The following CPS1 variants were observed in gnomAD, a reference collection of about 807,000 sequenced individuals.
The protein encoded by CPS1 is carbamoyl-phosphate synthase 1.
Under a neutral mutation model 174.6 loss-of-function variants are expected in CPS1, and 109 were observed. That is an observed-to-expected ratio of 0.62 (90% CI 0.53 to 0.73). The LOEUF (loss-of-function observed/expected upper bound fraction) is 0.73. CPS1 is among the 30% of genes least tolerant of loss of function. The probability of loss-of-function intolerance (pLI) is 0.00; values close to 1 mark genes in which losing one functional copy is unlikely to be tolerated. For synonymous variants in CPS1, 637 were observed against 632.0 expected, an observed-to-expected ratio of 1.01 and a Z score of -0.12; for missense variants, 1,689 against 1,821.9, an observed-to-expected ratio of 0.93 and a Z score of 1.33.
intron 33 of CPS1, among the ~76,000 whole-genome samples, chr2:210,666,058 G>T (rs1293699337): frequency 2.0e-5 from 3 of 150,896 alleles, no homozygotes; most frequent in Non-Finnish European, 3.0e-5. Flanking sequence ...GTTTAGATTT[G>T]CATTTCTCTG....
intron 1 of CPS1, among the ~76,000 whole-genome samples, chr2:210,530,759 C>A (rs1222822744): frequency 2.6e-5 from 4 of 151,936 alleles, no homozygotes; most frequent in Non-Finnish European, 5.9e-5. Flanking sequence ...CACTCTATTT[C>A]TGTTATGCAT....
chr2:210,656,927 G>T (rs943644374), intron 30 of CPS1, among the ~76,000 whole-genome samples: 1 of 152,010 alleles, frequency 6.6e-6, no homozygotes, highest in Non-Finnish European at 1.5e-5. Context: ...CCATCCCCCA[G>T]TTTCTGATTT....
intron 33 of CPS1, 60 bp downstream of exon 33, chr2:210,663,257 A>C (rs764856872): frequency 6.9e-7 from 1 of 1,458,322 alleles, no homozygotes; most frequent in Non-Finnish European, 9.6e-7. Context: ...CTATGGTTTT[A>C]TGATTTGAAT....
At chr2:210,575,921 G>C (rs994732502) in intron 2 of CPS1, among the ~76,000 whole-genome samples, 2 of 151,890 alleles carry the variant, frequency 1.3e-5, no homozygotes, top group Non-Finnish European at 2.9e-5. Flanking sequence ...TGTTTCGATG[G>C]TTACTATCTT....
intron 1 of CPS1, among the ~76,000 whole-genome samples, chr2:210,523,275 G>T (rs1695876395): frequency 6.6e-6 from 1 of 152,060 alleles, no homozygotes; most frequent in Non-Finnish European, 1.5e-5. Context: ...GACAGAGTGA[G>T]TAGTTTGTTG....
intron 25 of CPS1, among the ~76,000 whole-genome samples, chr2:210,643,140 C>T (rs1345918858): frequency 6.6e-6 from 1 of 152,158 alleles, no homozygotes; most frequent in South Asian, 2.1e-4. Context: ...CTTGTTCCAT[C>T]AGATGAAGCC....
chr2:210,617,147 A>G (rs2105867332), intron 21 of CPS1, among the ~76,000 whole-genome samples: 1 of 152,136 alleles, frequency 6.6e-6, no homozygotes, highest in East Asian at 1.9e-4. Flanking sequence ...TGTTGAGAAT[A>G]TTTTGATAAT....
intron 13 of CPS1, among the ~76,000 whole-genome samples, chr2:210,598,629 A>C (rs1698588924): frequency 6.6e-6 from 1 of 151,938 alleles, no homozygotes; most frequent in South Asian, 2.1e-4. Flanking sequence ...GGCATTATGT[A>C]ATAGTAATGG....
At chr2:210,593,752 A>G in intron 11 of CPS1, 1 of 716,452 alleles carries the variant, frequency 1.4e-6, no homozygotes, top group Non-Finnish European at 1.7e-6. Context: ...GCCGTTTTAG[A>G]TATTTATATT....
At position 210,496,995 on chromosome 2, in the gene CPS1, T is replaced by C. The variant is rs190106102; in HGVS notation, c.3+19229T>C. Among the ~76,000 whole-genome samples, 31 of 152,346 alleles carry C rather than the reference T, an allele frequency of 2.0e-4. 1 individual carries two copies. Among genetic ancestry groups the C allele is most frequent in the African/African-American group, 7.0e-4 (29 of 41,596 alleles). On this transcript the variant is annotated intron_variant, in intron 1 of 38. Transcript: ENST00000430249. The stretch of plus-strand genomic sequence containing the variant: ...GGTCTGTTTTTTATCAAATAGGGAA[T>C]GGAAATCTTTTAACTGATTATATCT...
intron 33 of CPS1, among the ~76,000 whole-genome samples, chr2:210,665,476 T>TC (rs1701063918): frequency 1.2e-5 from 1 of 85,490 alleles, no homozygotes; most frequent in Non-Finnish European, 2.3e-5. Flanking sequence ...CCCTCCCCCC[T>TC]CCCCCCACTC....
rs540288507 is a variant in CPS1 at position 210,605,317 on chromosome 2, A to T, written c.1981+71A>T. On this transcript the variant is annotated intron_variant, in intron 17 of 37. Coordinates refer to ENST00000233072, the MANE Select transcript of CPS1 (RefSeq NM_001875.5). The stretch of plus-strand genomic sequence containing the variant: ...GTCTTTGATGGCCAAGGCAGTCTTT[A>T]TAAAGTTGTTGCCTTTAAATTACTA... 1.9e-4 allele frequency: 303 copies of T among 1,556,870 alleles called. 1 individual carries two copies. The South Asian group carries it at 3.3e-3, about 17-fold the overall frequency.
At chr2:210,620,711 T>G (rs987186442) in intron 21 of CPS1, among the ~76,000 whole-genome samples, 1 of 151,976 alleles carries the variant, frequency 6.6e-6, no homozygotes, top group Non-Finnish European at 1.5e-5. Context: ...AACCAGATTA[T>G]GCAAGAATTC....
intron 1 of CPS1, among the ~76,000 whole-genome samples, chr2:210,507,006 A>G (rs1201167186): frequency 6.6e-6 from 1 of 152,232 alleles, no homozygotes; most frequent in East Asian, 1.9e-4. Context: ...GCCAACATTC[A>G]GATTCAGGAA....
intron 21 of CPS1, among the ~76,000 whole-genome samples, chr2:210,635,754 G>A (rs907983837): frequency 6.6e-6 from 1 of 151,928 alleles, no homozygotes; most frequent in African/African-American, 2.4e-5. Context: ...CAAATACTTG[G>A]GAAAACTAAA....
At chr2:210,491,076 C>A (rs1694861580) in intron 1 of CPS1, among the ~76,000 whole-genome samples, 1 of 152,048 alleles carries the variant, frequency 6.6e-6, no homozygotes, top group Non-Finnish European at 1.5e-5. Context: ...TTTCTGGAGG[C>A]AATTAGTAGG....
intron 1 of CPS1, among the ~76,000 whole-genome samples, chr2:210,522,497 T>G (rs889872210): frequency 1.3e-5 from 2 of 152,006 alleles, no homozygotes; most frequent in Non-Finnish European, 2.9e-5. Context: ...ATTCCATAAA[T>G]TTTGAATCTA....
chr2:210,506,229 T>C (rs1036545407), intron 1 of CPS1, among the ~76,000 whole-genome samples: 2 of 152,078 alleles, frequency 1.3e-5, no homozygotes, highest in African/African-American at 4.8e-5. Context: ...TGTTCGCCAA[T>C]ATCCGCTGTT....
intron 1 of CPS1, among the ~76,000 whole-genome samples, chr2:210,518,391 A>G (rs1695735777): frequency 6.6e-6 from 1 of 152,056 alleles, no homozygotes; most frequent in South Asian, 2.1e-4. Context: ...CGTGGTTAGA[A>G]TAAAGACTAT....
Sources: gnomAD v4.1 joint callset for allele counts (sites outside exome capture counted in the v4.1 genomes callset) on GRCh38, gnomAD v4.1.1 for gene constraint, MANE v1.5 for transcripts, NCBI Gene and HGNC (gene_info 2026-07-23, HGNC 2026-07-21) for gene names.